VSNL1: variants seen among roughly 807,000 people sequenced by gnomAD.
VSNL1 encodes visinin like 1.
A neutral mutation model predicts 20.4 loss-of-function variants in VSNL1; 6 were observed. That is an observed-to-expected ratio of 0.29 (90% CI 0.16 to 0.58). The LOEUF is 0.58. VSNL1 is among the 20% of genes least tolerant of loss of function. VSNL1 has a pLI of 0.90. For missense variants in VSNL1, 100 were observed against 234.5 expected (o/e 0.43, Z 3.75); for synonymous variants, 93 against 86.4 (o/e 1.08, Z -0.42).
chr2:17,645,299 GCCCAC>G (rs1188406084), intron 2 of VSNL1, among the ~76,000 whole-genome samples: 1 of 152,238 alleles, frequency 6.6e-6, no homozygotes, highest in African/African-American at 2.4e-5. Context: ...CCTTGCTTGT[GCCCAC>G]CCCACCCCCA....
intron 1 of VSNL1, among the ~76,000 whole-genome samples, chr2:17,563,486 T>C (rs1175013258): frequency 6.6e-6 from 1 of 152,226 alleles, no homozygotes; most frequent in African/African-American, 2.4e-5. Flanking sequence ...AAGACAGCTC[T>C]TCAGATATTA....
chr2:17,608,492 C>G (rs571279997), intron 2 of VSNL1, among the ~76,000 whole-genome samples: 2 of 152,188 alleles, frequency 1.3e-5, no homozygotes, highest in African/African-American at 4.8e-5. Flanking sequence ...GGATGAAGCT[C>G]TAGCTGGCTT....
intron 2 of VSNL1, among the ~76,000 whole-genome samples, chr2:17,646,782 T>C (rs1403516914): frequency 6.6e-6 from 1 of 152,032 alleles, no homozygotes; most frequent in Non-Finnish European, 1.5e-5. Flanking sequence ...AAAAGAAAAA[T>C]ACTGTGCTTT....
chr2:17,652,938 G>A (rs896791750), intron 3 of VSNL1, among the ~76,000 whole-genome samples: 1 of 152,182 alleles, frequency 6.6e-6, no homozygotes, highest in Non-Finnish European at 1.5e-5. Context: ...GGTCCAGGAA[G>A]GACTCTGGGC....
chr2:17,643,991 TC>T (rs1340057732), intron 2 of VSNL1, among the ~76,000 whole-genome samples: 2 of 152,156 alleles, frequency 1.3e-5, no homozygotes, highest in Non-Finnish European at 2.9e-5. Flanking sequence ...TCTCGTTCCT[TC>T]TTCTGAGAAC....
At position 17,592,241 on chromosome 2, in the gene VSNL1, G is replaced by A. The variant is rs1664607184; in HGVS notation, c.162+5G>A. 1 of 1,613,304 alleles carries A rather than the reference G, an allele frequency of 6.2e-7. No homozygotes were observed. On this transcript the variant is annotated splice_donor_5th_base_variant and intron_variant, in intron 2 of 3. Coordinates refer to ENST00000295156, the MANE Select transcript of VSNL1 (RefSeq NM_003385.5). ...TTTCAGCAGCTCTATGTGAAGGTAA[G>A]TTGTTTTTCAACCTTGTTTTTATTC...
intron 1 of VSNL1, among the ~76,000 whole-genome samples, chr2:17,556,789 TA>T (rs1333703315): frequency 3.3e-5 from 5 of 152,188 alleles, no homozygotes; most frequent in Admixed American, 3.3e-4. Flanking sequence ...ATTCTCAATA[TA>T]TATGCATTGC....
At chr2:17,582,220 G>C (rs1307942470) in intron 1 of VSNL1, among the ~76,000 whole-genome samples, 1 of 152,146 alleles carries the variant, frequency 6.6e-6, no homozygotes, top group Non-Finnish European at 1.5e-5. Flanking sequence ...GAGGTGCCAG[G>C]AGGGGTGAGG....
chr2:17,554,628 T>C (rs1469330462), intron 1 of VSNL1, among the ~76,000 whole-genome samples: 4 of 152,138 alleles, frequency 2.6e-5, no homozygotes, highest in Non-Finnish European at 5.9e-5. Context: ...TCCAGGTAAT[T>C]CATTAATCAG....
intron 2 of VSNL1, among the ~76,000 whole-genome samples, chr2:17,643,978 C>A (rs1384401686): frequency 1.3e-5 from 2 of 152,192 alleles, no homozygotes; most frequent in Non-Finnish European, 2.9e-5. Context: ...GGCCTGGAAA[C>A]AGTCTCGTTC....
At chr2:17,616,979 G>C (rs80311747) in intron 2 of VSNL1, among the ~76,000 whole-genome samples, 1 of 136,186 alleles carries the variant, frequency 7.3e-6, no homozygotes, top group Admixed American at 7.2e-5. Context: ...TCGTCCCTTG[G>C]GGGGTTGGCC....
At chr2:17,598,679 A>C (rs1470425291) in intron 2 of VSNL1, among the ~76,000 whole-genome samples, 1 of 152,224 alleles carries the variant, frequency 6.6e-6, no homozygotes, top group African/African-American at 2.4e-5. Context: ...CTCTTGGGGT[A>C]GCTTTAATCA....
intron 2 of VSNL1, among the ~76,000 whole-genome samples, chr2:17,609,481 C>T (rs1665031169): frequency 6.6e-6 from 1 of 152,208 alleles, no homozygotes; most frequent in Non-Finnish European, 1.5e-5. Flanking sequence ...GCAGTCTCTG[C>T]TCAGTGGGTA....
intron 2 of VSNL1, among the ~76,000 whole-genome samples, chr2:17,639,062 G>T (rs985245127): frequency 2.0e-5 from 3 of 152,114 alleles, no homozygotes; most frequent in African/African-American, 7.2e-5. Context: ...CCAGATTCCC[G>T]CAGGGATCTA....
At chr2:17,568,974 G>A (rs1664018970) in intron 1 of VSNL1, among the ~76,000 whole-genome samples, 1 of 152,078 alleles carries the variant, frequency 6.6e-6, no homozygotes, top group Non-Finnish European at 1.5e-5. Flanking sequence ...TTTTCTTTCT[G>A]ATAGATTTTA....
intron 2 of VSNL1, among the ~76,000 whole-genome samples, chr2:17,618,837 C>A (rs199498285): frequency 1.3e-5 from 2 of 152,124 alleles, no homozygotes; most frequent in Non-Finnish European, 2.9e-5. Flanking sequence ...GTGAATTGGG[C>A]CAGTGGGCTT....
intron 3 of VSNL1, among the ~76,000 whole-genome samples, chr2:17,651,375 G>A (rs1666118339): frequency 6.6e-6 from 1 of 152,216 alleles, no homozygotes; most frequent in South Asian, 2.1e-4. Context: ...GAGGTTTACT[G>A]TGGATTGGTT....
At chr2:17,608,595 A>G (rs1665008085) in intron 2 of VSNL1, among the ~76,000 whole-genome samples, 1 of 152,190 alleles carries the variant, frequency 6.6e-6, no homozygotes, top group South Asian at 2.1e-4. Context: ...TTCAGCTTTC[A>G]GGATAAGGGA....
At chr2:17,638,137 A>G (rs1665796612) in intron 2 of VSNL1, among the ~76,000 whole-genome samples, 1 of 152,118 alleles carries the variant, frequency 6.6e-6, no homozygotes. Context: ...AGGTATGTAG[A>G]GTCTATACAG....
Sources: allele counts gnomAD v4.1 joint callset (sites outside exome capture counted in the v4.1 genomes callset), GRCh38; gene constraint gnomAD v4.1.1; transcripts MANE v1.5; gene names NCBI Gene and HGNC (gene_info 2026-07-23, HGNC 2026-07-21).